The following PM20D2 variants were observed in gnomAD, a reference collection of about 807,000 sequenced individuals.
PM20D2 encodes the protein peptidase M20 domain containing 2.
Under a neutral mutation model 42.9 loss-of-function variants are expected in PM20D2, and 33 were observed. The ratio of observed to expected loss-of-function variants is 0.77; its 90% confidence interval spans 0.58 to 1.03. The LOEUF (loss-of-function observed/expected upper bound fraction) is 1.03, where lower values mean the gene tolerates loss of function less well. Among genes scored for constraint, PM20D2 ranks in the 50% least tolerant of loss-of-function variants. The pLI, the probability that PM20D2 is intolerant of heterozygous loss-of-function variation, is 0.00. For missense variants in PM20D2, 548 were observed against 557.0 expected (o/e 0.98, Z 0.16); for synonymous variants, 250 against 228.2 (o/e 1.10, Z -0.86).
At chr6:89,105,609 AAATT>A in the PM20D2 span, 2 of 1,023,542 alleles carry the variant, frequency 2.0e-6, no homozygotes, top group East Asian at 2.7e-5. Flanking sequence ...ATGTGAAATG[AAATT>A]AATAGGAAAA....
intron 3 of PM20D2, among the ~76,000 whole-genome samples, chr6:89,154,260 A>T (rs1770955224): frequency 6.6e-6 from 1 of 152,176 alleles, no homozygotes; most frequent in Admixed American, 6.5e-5. Flanking sequence ...GACAGTTGAT[A>T]ATACTTAGTG....
the PM20D2 span, among the ~76,000 whole-genome samples, chr6:89,103,579 C>T: frequency 6.6e-6 from 1 of 152,170 alleles, no homozygotes; most frequent in Admixed American, 6.5e-5. Context: ...TCCGCCCCCG[C>T]CCTGGCCTCC....
At chr6:89,154,948 A>G in intron 4 of PM20D2, 46 bp downstream of exon 4, 1 of 1,493,074 alleles carries the variant, frequency 6.7e-7, no homozygotes, top group Non-Finnish European at 9.0e-7. Context: ...AGAGGTATAT[A>G]TGTGGGCTAG....
the PM20D2 span, among the ~76,000 whole-genome samples, chr6:89,113,069 A>G: frequency 6.6e-6 from 1 of 152,236 alleles, no homozygotes; most frequent in African/African-American, 2.4e-5. Flanking sequence ...CAAAATCACC[A>G]AATGGATTTG....
Position 89,146,361 on chromosome 6 carries a change from GC to G in PM20D2, c.219del (p.Ser74ProfsTer67). On this transcript the variant is annotated frameshift_variant, in exon 1 of 7. Transcript: ENST00000275072. LOFTEE classifies it high-confidence loss of function. ...THFFEREPPA[A>X]SWAVQPHYQL... Reference sequence around the variant, plus strand: ...CTTCTTCGAGCGGGAGCCGCCCGCGGCCTCCTGGGCAGTGCAGCCGCACTAC... The same window carrying G: ...CTTCTTCGAGCGGGAGCCGCCCGCGGCTCCTGGGCAGTGCAGCCGCACTAC... The G allele has an allele frequency of 6.5e-7, 1 of 1,546,672 alleles. No individual in the cohort carries two copies. Among genetic ancestry groups the G allele is most frequent in the East Asian group, 2.4e-5 (1 of 41,902 alleles).
chr6:89,157,770 C>T (rs1582349705), intron 4 of PM20D2, among the ~76,000 whole-genome samples: 1 of 152,008 alleles, frequency 6.6e-6, no homozygotes. Context: ...TTTGGGAGGC[C>T]GAGACGGGCA....
chr6:89,102,112 A>G, the PM20D2 span, among the ~76,000 whole-genome samples: 358 of 151,872 alleles, frequency 2.4e-3, 4 homozygotes, highest in African/African-American at 8.0e-3. Flanking sequence ...TTGGAGAATG[A>G]TAACACCATG....
chr6:89,161,911 C>G, intron 6 of PM20D2, 21 bp downstream of exon 6: 1 of 1,576,274 alleles, frequency 6.3e-7, no homozygotes, highest in South Asian at 1.1e-5. Flanking sequence ...TTGGATGTGA[C>G]TGTTTTGGCA....
At chr6:89,132,786 C>T in the PM20D2 span, among the ~76,000 whole-genome samples, 5 of 150,144 alleles carry the variant, frequency 3.3e-5, no homozygotes, top group Admixed American at 6.6e-5. Context: ...TGCAGTGAGC[C>T]GAGATTGCGT....
At chr6:89,160,586 G>C (rs55696221) in intron 5 of PM20D2, among the ~76,000 whole-genome samples, 2,351 of 152,254 alleles carry the variant, frequency 0.015, 55 homozygotes, top group African/African-American at 0.052. Flanking sequence ...TATTCAACAA[G>C]TGCCTGTGTG....
the PM20D2 span, among the ~76,000 whole-genome samples, chr6:89,136,521 C>T: frequency 6.7e-6 from 1 of 150,172 alleles, no homozygotes; most frequent in South Asian, 2.1e-4. Flanking sequence ...ACTAAAAATA[C>T]AAAAAAATCA....
the PM20D2 span, among the ~76,000 whole-genome samples, chr6:89,094,675 T>A: frequency 0.012 from 1,860 of 152,136 alleles, 27 homozygotes; most frequent in Non-Finnish European, 0.015. Context: ...AGGTGCATAA[T>A]CCACATTTAG....
chr6:89,098,817 T>C, the PM20D2 span: 1 of 1,613,990 alleles, frequency 6.2e-7, no homozygotes. Flanking sequence ...TGTAAGGACT[T>C]GGACCTTGAC....
chr6:89,113,784 A>T, the PM20D2 span, among the ~76,000 whole-genome samples: 1 of 152,112 alleles, frequency 6.6e-6, no homozygotes, highest in South Asian at 2.1e-4. Flanking sequence ...GCTGAACTAC[A>T]GGTGCGCACT....
the PM20D2 span, among the ~76,000 whole-genome samples, chr6:89,108,098 C>T: frequency 6.6e-6 from 1 of 152,178 alleles, no homozygotes; most frequent in Non-Finnish European, 1.5e-5. Context: ...AAAGTAACTA[C>T]TGTATTCCCA....
At chr6:89,103,896 A>C in the PM20D2 span, among the ~76,000 whole-genome samples, 2 of 151,832 alleles carry the variant, frequency 1.3e-5, no homozygotes, top group Non-Finnish European at 2.9e-5. Context: ...ATACTGCCAT[A>C]CTTGGAATTT....
chr6:89,149,158 G>C (rs1331313764), intron 1 of PM20D2, 107 bp from the exon 2 acceptor site: 1 of 1,365,374 alleles, frequency 7.3e-7, no homozygotes, highest in Non-Finnish European at 1.0e-6. Flanking sequence ...TGTCTTAATA[G>C]GTTAAGGACT....
chr6:89,155,962 G>A (rs1218907794), intron 4 of PM20D2, among the ~76,000 whole-genome samples: 1 of 150,422 alleles, frequency 6.6e-6, no homozygotes, highest in Non-Finnish European at 1.5e-5. Flanking sequence ...TCAGCTCACT[G>A]CAACCTCTGC....
rs1247222147 is a variant in PM20D2, at chr6:89,146,593, C to G, written c.449C>G (p.Pro150Arg). ...GGGGCCTTAGAGGGCCTCCCCAGGCCGCCTCCGCCCGTGAAGGTGAGGTGG... is the reference window on the plus strand; with the variant it reads ...GGGGCCTTAGAGGGCCTCCCCAGGCGGCCTCCGCCCGTGAAGGTGAGGTGG... ...VRGALEGLPR[P>R]PPPVKVVVLG... The change falls in exon 1 of 7, where the codon CCG becomes CGG. Residue 150 changes from proline (P) to arginine (R), a missense_variant. Around this residue, in one of 3 missense-constraint regions of PM20D2, gnomAD observed 470 missense variants for 464.4 expected, o/e 1.01. Transcript: ENST00000275072. 6.9e-7 allele frequency: 1 copy of G among 1,450,898 alleles called. No homozygotes were observed. Among genetic ancestry groups the G allele is most frequent in the Non-Finnish European group, 9.0e-7 (1 of 1,108,270 alleles). 89.9% of individuals were successfully genotyped at this position (1,450,898 alleles called of 1,614,324 possible).
Sources: gnomAD v4.1 joint callset for allele counts (sites outside exome capture counted in the v4.1 genomes callset) on GRCh38, gnomAD v4.1.1 for gene constraint, gnomAD v4.1.1 regional missense constraint, MANE v1.5 for transcripts, NCBI Gene and HGNC (gene_info 2026-07-23, HGNC 2026-07-21) for gene names.